MCF2L2: variants seen among roughly 807,000 people sequenced by gnomAD.
MCF2L2 encodes the protein probable guanine nucleotide exchange factor MCF2L2.
MCF2L2 carries 102 observed loss-of-function variants against 150.2 expected under a neutral mutation model. That is an observed-to-expected ratio of 0.68 (90% CI 0.58 to 0.80). The LOEUF is 0.80. Among genes scored for constraint, MCF2L2 ranks in the 30% least tolerant of loss-of-function variants. The probability of loss-of-function intolerance (pLI) is 0.00; values close to 1 mark genes in which losing one functional copy is unlikely to be tolerated. For missense variants in MCF2L2, 1,256 were observed against 1,372.8 expected (o/e 0.91, Z 1.34); for synonymous variants, 465 against 491.3 (o/e 0.95, Z 0.71).
chr3:183,327,811 C>G (rs1730112429), intron 5 of MCF2L2, among the ~76,000 whole-genome samples: 1 of 152,116 alleles, frequency 6.6e-6, no homozygotes, highest in Non-Finnish European at 1.5e-5. Context: ...TAGAAGAAAA[C>G]TGTGGTATAG....
At chr3:183,212,102 T>A (rs192504304) in intron 22 of MCF2L2, among the ~76,000 whole-genome samples, 363 of 152,266 alleles carry the variant, frequency 2.4e-3, no homozygotes, top group African/African-American at 8.1e-3. Context: ...GTGGCACAGC[T>A]GTCAGCCAAG....
chr3:183,205,969 A>T lies in MCF2L2; in HGVS notation c.2806-15T>A. The T allele has an allele frequency of 6.2e-7, 1 of 1,609,000 alleles. No homozygotes were observed. ...TTTGAAGCTGCCTGCAATCACACATAAGAAAACACTATAAGACTACCATGA... is the reference window on the plus strand; with the variant it reads ...TTTGAAGCTGCCTGCAATCACACATTAGAAAACACTATAAGACTACCATGA... On this transcript the variant is annotated splice_polypyrimidine_tract_variant and intron_variant, in intron 24 of 29. Transcript: ENST00000328913.
At chr3:183,334,001 G>A (rs1325133086) in intron 5 of MCF2L2, among the ~76,000 whole-genome samples, 3 of 149,700 alleles carry the variant, frequency 2.0e-5, no homozygotes, top group Non-Finnish European at 4.4e-5. Context: ...CATGTCACAA[G>A]GACACAAGAG....
At chr3:183,242,862 C>T (rs1219052763) in intron 15 of MCF2L2, among the ~76,000 whole-genome samples, 1 of 152,236 alleles carries the variant, frequency 6.6e-6, no homozygotes, top group Non-Finnish European at 1.5e-5. Context: ...ACAAGGGGGG[C>T]TGTACCCTGC....
At chr3:183,225,325 T>C (rs1468821411) in intron 18 of MCF2L2, 2 of 152,184 alleles carry the variant, frequency 1.3e-5, no homozygotes, top group Non-Finnish European at 2.9e-5. Flanking sequence ...CCTTGAAAAA[T>C]GTTCAGACTG....
chr3:183,180,282 T>C, intron 27 of MCF2L2, 123 bp from the exon 28 acceptor site: 2 of 702,658 alleles, frequency 2.8e-6, no homozygotes, highest in Non-Finnish European at 5.1e-6. Flanking sequence ...TAACTCCTGC[T>C]CTCCAAGGGC....
intron 10 of MCF2L2, among the ~76,000 whole-genome samples, 185 bp from the exon 11 acceptor site, chr3:183,300,381 T>C (rs1344288489): frequency 6.6e-6 from 1 of 152,218 alleles, no homozygotes; most frequent in East Asian, 1.9e-4. Flanking sequence ...GGCCCAGAGT[T>C]GTCCACATGC....
At chr3:183,206,319 T>A in intron 23 of MCF2L2, 105 bp from the exon 24 acceptor site, 1 of 845,176 alleles carries the variant, frequency 1.2e-6, no homozygotes. Flanking sequence ...GCTCTCTTCT[T>A]TCATCTTCCT....
At chr3:183,365,302 G>A (rs1334075946) in intron 3 of MCF2L2, among the ~76,000 whole-genome samples, 1 of 152,090 alleles carries the variant, frequency 6.6e-6, no homozygotes, top group East Asian at 1.9e-4. Flanking sequence ...CCAATGACAA[G>A]ATCAACAAGT....
intron 21 of MCF2L2, among the ~76,000 whole-genome samples, chr3:183,219,292 C>T (rs1467783564): frequency 1.3e-5 from 2 of 152,118 alleles, no homozygotes; most frequent in East Asian, 1.9e-4. Context: ...ATGCATTTTA[C>T]GTATTTGCTT....
intron 16 of MCF2L2, among the ~76,000 whole-genome samples, chr3:183,230,447 A>C (rs1390071982): frequency 6.6e-6 from 1 of 152,172 alleles, no homozygotes; most frequent in Non-Finnish European, 1.5e-5. Flanking sequence ...AATAATGTTT[A>C]CTCAGCATAT....
chr3:183,193,227 C>A, intron 26 of MCF2L2, 131 bp from the exon 27 acceptor site: 2 of 705,556 alleles, frequency 2.8e-6, no homozygotes, highest in Admixed American at 4.2e-5. Context: ...GCTGCTCCTC[C>A]CTCACCTGTA....
chr3:183,372,392 C>T (rs1400571866), intron 3 of MCF2L2: 4 of 152,160 alleles, frequency 2.6e-5, no homozygotes, highest in African/African-American at 9.7e-5. Context: ...GACTATTCAT[C>T]ACACTGTATG....
intron 20 of MCF2L2, among the ~76,000 whole-genome samples, chr3:183,220,858 T>C (rs988076961): frequency 1.3e-5 from 2 of 152,236 alleles, no homozygotes; most frequent in African/African-American, 4.8e-5. Context: ...CTTTTTATTA[T>C]AATTTCCAAG....
chr3:183,280,846 A>C (rs2108465728), intron 14 of MCF2L2, among the ~76,000 whole-genome samples: 1 of 128,428 alleles, frequency 7.8e-6, no homozygotes, highest in African/African-American at 3.3e-5. Flanking sequence ...AGTCTCTGTC[A>C]AAAAAAAAAA....
intron 15 of MCF2L2, among the ~76,000 whole-genome samples, chr3:183,274,943 C>T (rs1191255209): frequency 1.3e-5 from 2 of 150,850 alleles, no homozygotes; most frequent in African/African-American, 4.9e-5. Context: ...TAAACTTTTC[C>T]TCCTTCATTC....
chr3:183,196,234 C>T (rs1722078487), intron 25 of MCF2L2, among the ~76,000 whole-genome samples: 1 of 152,212 alleles, frequency 6.6e-6, no homozygotes, highest in Non-Finnish European at 1.5e-5. Flanking sequence ...CTGGTTACCT[C>T]CGAGAGGCCC....
chr3:183,260,624 G>C (rs1468227752), intron 15 of MCF2L2, among the ~76,000 whole-genome samples: 2 of 151,814 alleles, frequency 1.3e-5, no homozygotes, highest in African/African-American at 4.8e-5. Context: ...TAAAGACTTA[G>C]GGTCTGTCTT....
At chr3:183,334,201 G>A (rs1730379468) in intron 5 of MCF2L2, among the ~76,000 whole-genome samples, 1 of 152,140 alleles carries the variant, frequency 6.6e-6, no homozygotes, top group Non-Finnish European at 1.5e-5. Context: ...GAGAGTGCTG[G>A]AGTTGGATAA....
Sources: gnomAD v4.1 joint callset for allele counts (sites outside exome capture counted in the v4.1 genomes callset) on GRCh38, gnomAD v4.1.1 for gene constraint, MANE v1.5 for transcripts, NCBI Gene and HGNC (gene_info 2026-07-23, HGNC 2026-07-21) for gene names.